RNF130: variants seen among roughly 807,000 people sequenced by gnomAD.
RNF130 encodes ring finger protein 130, also known as E3 ubiquitin-protein ligase RNF130.
RNF130 carries 21 observed loss-of-function variants against 44.6 expected under a neutral mutation model. The ratio of observed to expected loss-of-function variants is 0.47; its 90% CI spans 0.33 to 0.68. The LOEUF (loss-of-function observed/expected upper bound fraction) is 0.68, where lower values mean the gene tolerates loss of function less well. RNF130 is among the 30% of genes least tolerant of loss of function. The pLI is 0.02. For missense variants in RNF130, 479 were observed against 560.6 expected, an observed-to-expected ratio of 0.85 and a Z score of 1.47; for synonymous variants, 214 against 210.4, an observed-to-expected ratio of 1.02 and a Z score of -0.15.
intron 1 of RNF130, among the ~76,000 whole-genome samples, chr5:180,053,514 C>A (rs1764735150): frequency 6.6e-6 from 1 of 152,132 alleles, no homozygotes; most frequent in Non-Finnish European, 1.5e-5. Flanking sequence ...AAGGCAAACA[C>A]AAGATGATGG....
At chr5:179,933,398 T>TTGTGTGTGTGTGTGTGTGTG (rs71001060) in intron 7 of RNF130, among the ~76,000 whole-genome samples, 14,276 of 143,314 alleles carry the variant, frequency 0.1, 953 homozygotes, top group East Asian at 0.21. Flanking sequence ...ATAACCCTAT[T>TTGTGTGTGTGTGTGTGTGTG]TGTGTGTGTG....
chr5:179,973,553 T>C (rs991363106), intron 5 of RNF130, among the ~76,000 whole-genome samples: 3 of 152,216 alleles, frequency 2.0e-5, no homozygotes, highest in Non-Finnish European at 4.4e-5. Flanking sequence ...CAACACAGCA[T>C]GTGGGCCAAG....
intron 2 of RNF130, among the ~76,000 whole-genome samples, chr5:180,026,977 T>C (rs1328620158): frequency 6.6e-6 from 1 of 152,194 alleles, no homozygotes; most frequent in Non-Finnish European, 1.5e-5. Flanking sequence ...CTCTGAAGAC[T>C]GCAGGAGCCT....
chr5:179,949,904 C>A (rs759186500), intron 7 of RNF130, among the ~76,000 whole-genome samples: 1 of 152,166 alleles, frequency 6.6e-6, no homozygotes, highest in African/African-American at 2.4e-5. Context: ...ACTAGCCTCA[C>A]GTGGAAAATG....
At chr5:180,045,273 A>G (rs1185849578) in intron 1 of RNF130, among the ~76,000 whole-genome samples, 3 of 152,162 alleles carry the variant, frequency 2.0e-5, no homozygotes, top group African/African-American at 7.2e-5. Context: ...TGTGTTCGGA[A>G]TTCGTGGGTT....
rs1223317889 is a variant in RNF130 at position 179,955,683 on chromosome 5, G to A, written c.1245-14C>T. 3 of 1,559,772 alleles carry A rather than the reference G, an allele frequency of 1.9e-6. No individual in the cohort carries two copies. The highest frequency in any genetic ancestry group is 8.7e-7 in the Non-Finnish European group (1 of 1,150,252). On this transcript the variant is annotated splice_polypyrimidine_tract_variant and intron_variant, in intron 8 of 8. Transcript: ENST00000521389. ...AACCATTCTACCCTATGGAATAAAAGGAAAAAAGAGGTCATAAATTAAAGA... is the reference window on the plus strand; with the variant it reads ...AACCATTCTACCCTATGGAATAAAAAGAAAAAAGAGGTCATAAATTAAAGA...
At chr5:179,989,089 C>G (rs762416595) in intron 3 of RNF130, among the ~76,000 whole-genome samples, 88 of 152,302 alleles carry the variant, frequency 5.8e-4, no homozygotes, top group Admixed American at 2.7e-3. Context: ...AGGAAACTTA[C>G]AATCATAGCA....
intron 1 of RNF130, among the ~76,000 whole-genome samples, chr5:180,048,511 G>A (rs948949167): frequency 1.3e-5 from 2 of 152,130 alleles, no homozygotes; most frequent in African/African-American, 4.8e-5. Context: ...GGTGGCTCAT[G>A]CCTGTAATCC....
chr5:179,930,195 T>C (rs371207462), intron 7 of RNF130, among the ~76,000 whole-genome samples: 11 of 152,178 alleles, frequency 7.2e-5, no homozygotes, highest in East Asian at 5.8e-4. Flanking sequence ...GTAGCTGGGA[T>C]TACAGGCATC....
intron 3 of RNF130, among the ~76,000 whole-genome samples, chr5:179,993,568 GTTGT>G (rs201556584): frequency 0.05 from 7,681 of 152,246 alleles, 321 homozygotes; most frequent in East Asian, 0.2. Context: ...TTTTGATGGG[GTTGT>G]TTGATTTTTT....
chr5:180,011,149 A>G (rs1190868496), intron 3 of RNF130, among the ~76,000 whole-genome samples: 1 of 152,240 alleles, frequency 6.6e-6, no homozygotes, highest in East Asian at 1.9e-4. Context: ...GATAAACTCA[A>G]ATACAAAATA....
Position 179,985,583 on chromosome 5 carries a change from G to A in RNF130, c.694-5383C>T, listed in dbSNP as rs1200857960. On this transcript the variant is annotated intron_variant, in intron 3 of 8. Coordinates refer to ENST00000521389, the MANE Select transcript of RNF130 (RefSeq NM_018434.6). ...TAAAAGGCAGTCCTACCCTGGCAAG[G>A]TACTTCCTAATTTCAGGGACAAAGC... Among the ~76,000 whole-genome samples, 7 of 152,040 alleles carry A rather than the reference G, an allele frequency of 4.6e-5. 1 individual carries two copies. The South Asian group carries it at 1.2e-3, about 27-fold the overall frequency.
At chr5:179,942,185 T>TACTTGGGAGGCTGAGGCAGGA (rs1554100430) in intron 7 of RNF130, among the ~76,000 whole-genome samples, 51 of 147,140 alleles carry the variant, frequency 3.5e-4, no homozygotes, top group Admixed American at 8.4e-4. Context: ...AAGAGGGCAC[T>TACTTGGGAGGCTGAGGCAGGA]GGCACCAAGA....
chr5:180,062,080 A>C (rs1211517187), intron 1 of RNF130, among the ~76,000 whole-genome samples: 1 of 133,698 alleles, frequency 7.5e-6, no homozygotes, highest in African/African-American at 2.8e-5. Context: ...TTTTAGACGG[A>C]GTCTCACTCT....
Position 179,922,263 on chromosome 5 carries a change from T to C in RNF130, c.1151-1837A>G, listed in dbSNP as rs372360072. Among the ~76,000 whole-genome samples the C allele has an allele frequency of 3.3e-5, 5 of 149,596 alleles. No homozygotes were observed. The East Asian group carries it at 5.8e-4, about 17-fold the overall frequency. On this transcript the variant is annotated intron_variant, in intron 7 of 7. Transcript: ENST00000522208. ...CGTGTATCTTCGTTTGTGAAGTGTT[T>C]TGTTCAAATCTTTAGTCCATTAAAA...
At chr5:179,932,632 G>A (rs1761825657) in intron 7 of RNF130, among the ~76,000 whole-genome samples, 1 of 150,900 alleles carries the variant, frequency 6.6e-6, no homozygotes, top group African/African-American at 2.4e-5. Context: ...GAGGTCAGGA[G>A]ATCAAGACCA....
chr5:179,965,730 A>T (rs918934566), intron 7 of RNF130, among the ~76,000 whole-genome samples: 1 of 152,218 alleles, frequency 6.6e-6, no homozygotes, highest in African/African-American at 2.4e-5. Flanking sequence ...CTCAAAGCAC[A>T]GTTTTCTCTA....
intron 3 of RNF130, among the ~76,000 whole-genome samples, chr5:179,990,089 A>G (rs1763044996): frequency 6.6e-6 from 1 of 152,264 alleles, no homozygotes; most frequent in East Asian, 1.9e-4. Flanking sequence ...AGAAATAAAG[A>G]CACAAGACAA....
chr5:179,991,153 T>C (rs185139613), intron 3 of RNF130, among the ~76,000 whole-genome samples: 47 of 152,334 alleles, frequency 3.1e-4, no homozygotes, highest in African/African-American at 9.6e-4. Context: ...TATCTTTCCC[T>C]ATCTGCTGAG....
Sources: gnomAD v4.1 joint callset for allele counts (sites outside exome capture counted in the v4.1 genomes callset) on GRCh38, gnomAD v4.1.1 for gene constraint, MANE v1.5 for transcripts, NCBI Gene and HGNC (gene_info 2026-07-23, HGNC 2026-07-21) for gene names.